The following MYO9B variants were observed in gnomAD, a reference collection of about 807,000 sequenced individuals.
The protein encoded by MYO9B is unconventional myosin-IXb.
Under a neutral mutation model 229.5 loss-of-function variants are expected in MYO9B, and 71 were observed. The ratio of observed to expected loss-of-function variants is 0.31; its 90% CI spans 0.26 to 0.38. MYO9B has a LOEUF of 0.38. Among genes scored for constraint, MYO9B ranks in the 10% least tolerant of loss-of-function variants. The pLI is 1.00. For missense variants in MYO9B, 2,255 were observed against 2,920.5 expected (o/e 0.77, Z 5.25); for synonymous variants, 1,185 against 1,235.8 (o/e 0.96, Z 0.86).
At position 17,172,488 on chromosome 19, in the gene MYO9B, G is replaced by A; in HGVS notation, c.1935+11G>A. 6.2e-7 allele frequency: 1 copy of A among 1,612,776 alleles called. No homozygotes were observed. ...AAATATCAGATCAAGGTAGGTGTCT[G>A]CCCATCACCACTGGTGGAAGCCTGA... On this transcript the variant is annotated intron_variant, in intron 12 of 39. Coordinates refer to ENST00000682292, the MANE Select transcript of MYO9B (RefSeq NM_004145.4). The surrounding 1 kb of genome is among the most constrained non-coding windows in gnomAD (Gnocchi z 8.2).
Position 17,202,144 on chromosome 19 carries a change from C to T in MYO9B, c.4677C>T (p.His1559=), listed in dbSNP as rs374282860. The T allele has an allele frequency of 5.0e-6, 8 of 1,613,754 alleles. No individual in the cohort carries two copies. The highest frequency in any genetic ancestry group is 1.7e-4 in the Middle Eastern group (1 of 6,058). ...TMYSVPNGKI[H]VGYKDLMENY... is the part of the protein sequence containing the mutation. ...CATTCCTACAGAACGGGAAGATCCA[C>T]GTGGGCTACAAGGATCTGATGGAGA... is the stretch of plus-strand genomic sequence containing the variant. Residue 1559 remains histidine, a synonymous_variant, in exon 28 of 40, where the codon CAC becomes CAT. Coordinates refer to ENST00000682292, the MANE Select transcript of MYO9B (RefSeq NM_004145.4).
intron 15 of MYO9B, 61 bp downstream of exon 15, chr19:17,181,101 AC>A: frequency 8.1e-7 from 1 of 1,229,464 alleles, no homozygotes. Flanking sequence ...TACTCCTGCG[AC>A]CCCGGCGGGG....
In MYO9B at chr19:17,134,155, A is replaced by C. The variant is rs981076504; in HGVS notation, c.841-11242A>C. ...GGTAATGGTTAGGGTTGGGCTTCTA[A>C]AATACCCATCACTCAAATAGTGAAC... On this transcript the variant is annotated intron_variant, in intron 2 of 39. Transcript: ENST00000682292. Among the ~76,000 whole-genome samples the C allele has an allele frequency of 2.6e-5, 4 of 152,042 alleles. No individual in the cohort carries two copies. The East Asian group carries it at 7.7e-4, about 29-fold the overall frequency.
chr19:17,125,829 C>G (rs971422369), intron 2 of MYO9B, among the ~76,000 whole-genome samples: 1 of 152,216 alleles, frequency 6.6e-6, no homozygotes, highest in Non-Finnish European at 1.5e-5. Flanking sequence ...CAGAACCCGG[C>G]AGCAGCTAGG....
intron 2 of MYO9B, among the ~76,000 whole-genome samples, chr19:17,104,731 T>TAAAAAAA (rs775092152): frequency 6.0e-5 from 6 of 99,886 alleles, no homozygotes; most frequent in East Asian, 2.7e-4. Context: ...CAGCTCCGCT[T>TAAAAAAA]AAAAAAAAAA....
At chr19:17,102,806 C>T (rs1244245877) in intron 2 of MYO9B, among the ~76,000 whole-genome samples, 4 of 151,582 alleles carry the variant, frequency 2.6e-5, no homozygotes, top group African/African-American at 9.7e-5. Flanking sequence ...GCTCAGGAGG[C>T]TGAGGCAGGA....
At chr19:17,093,816 C>T (rs1453958140) in intron 1 of MYO9B, among the ~76,000 whole-genome samples, 4 of 152,066 alleles carry the variant, frequency 2.6e-5, no homozygotes, top group Non-Finnish European at 4.4e-5. Flanking sequence ...CCTCAGCCTC[C>T]CAAGTAGCTG....
chr19:17,090,116 T>TC lies in MYO9B; in HGVS notation c.-58-11542dup, dbSNP rs34791272. On this transcript the variant is annotated intron_variant, in intron 1 of 39. Transcript: ENST00000682292. ...GTTATAGCATGAATCGGTGCTTCCTTCCTTTTTTTTTTTTTTTTTTTTTTT... is the reference window on the plus strand; with the variant it reads ...GTTATAGCATGAATCGGTGCTTCCTTCCCTTTTTTTTTTTTTTTTTTTTTTT... Among the ~76,000 whole-genome samples, 17 of 139,134 alleles carry TC rather than the reference T, an allele frequency of 1.2e-4. 1 individual carries two copies. Among genetic ancestry groups the TC allele is most frequent in the Non-Finnish European group, 1.1e-4 (7 of 64,994 alleles). 91.3% of individuals were successfully genotyped at this position (139,134 alleles called of 152,430 possible). A position where few individuals can be genotyped will look rare whatever the true frequency, so the allele number is the denominator to read the frequency against.
chr19:17,186,164 G>T (rs1402904544), intron 18 of MYO9B, among the ~76,000 whole-genome samples, 163 bp downstream of exon 18: 1 of 152,140 alleles, frequency 6.6e-6, no homozygotes, highest in Non-Finnish European at 1.5e-5. Context: ...GATGGTCCAA[G>T]TGGCCATTTA....
rs184063313 is a variant in MYO9B at position 17,170,938 on chromosome 19, C to G, written c.1794-1398C>G. 6.0e-3 allele frequency among the ~76,000 whole-genome samples: 909 copies of G among 152,086 alleles called. 6 individuals carry two copies. The highest frequency in any genetic ancestry group is 0.02 in the African/African-American group (828 of 41,500). Reference sequence around the variant, plus strand: ...GGAAGCCCGTGAGGCAAGGCCTGGCCCAGCAGGCTCGAGTCTCTTTAAAAT... The same window carrying G: ...GGAAGCCCGTGAGGCAAGGCCTGGCGCAGCAGGCTCGAGTCTCTTTAAAAT... On this transcript the variant is annotated intron_variant, in intron 11 of 39. Transcript: ENST00000682292.
chr19:17,154,449 G>A, intron 6 of MYO9B, 34 bp downstream of exon 6: 1 of 1,550,718 alleles, frequency 6.4e-7, no homozygotes, highest in Non-Finnish European at 8.8e-7. Flanking sequence ...CTGTCCCCCA[G>A]AGCCTACAGG....
At chr19:17,189,189 G>C (rs1180023191) in intron 19 of MYO9B, among the ~76,000 whole-genome samples, 2 of 151,590 alleles carry the variant, frequency 1.3e-5, no homozygotes, top group African/African-American at 2.4e-5. Context: ...AGCCAGACAA[G>C]GTGGTATGCA....
At chr19:17,113,799 G>A (rs1219107480) in intron 2 of MYO9B, among the ~76,000 whole-genome samples, 1 of 152,138 alleles carries the variant, frequency 6.6e-6, no homozygotes, top group Non-Finnish European at 1.5e-5. Flanking sequence ...GATAGGAGCT[G>A]GGGCCCGAAT....
chr19:17,088,883 G>A (rs1317598448), intron 1 of MYO9B, among the ~76,000 whole-genome samples: 1 of 151,946 alleles, frequency 6.6e-6, no homozygotes, highest in Admixed American at 6.6e-5. Flanking sequence ...AGAATTGGGG[G>A]GTCTTTCTTT....
Position 17,183,865 on chromosome 19 carries a change from A to T in MYO9B, c.2370A>T (p.Pro790=). ...GTATCAAACAAAAGCAGATCATTCC[A>T]AAGGTAAAAAAAAAAACACACCCCG... ...SKGIKQKQII[P]KNLLDSKSLK... The change falls in exon 16 of 40, where the codon CCA becomes CCT. Residue 790 remains proline, a synonymous_variant. Transcript: ENST00000682292. 1 of 1,574,204 alleles carries T rather than the reference A, an allele frequency of 6.4e-7. No individual in the cohort carries two copies. The highest frequency in any genetic ancestry group is 1.2e-5 in the South Asian group (1 of 85,234).
intron 3 of MYO9B, among the ~76,000 whole-genome samples, chr19:17,146,425 G>A (rs2072412272): frequency 6.6e-6 from 1 of 151,996 alleles, no homozygotes; most frequent in African/African-American, 2.4e-5. Flanking sequence ...ATGGATTTAT[G>A]GGTGAGTGGA....
chr19:17,080,815 G>A lies in MYO9B; in HGVS notation c.-59+4941G>A, dbSNP rs886300882. On this transcript the variant is annotated intron_variant, in intron 1 of 39. Coordinates refer to ENST00000682292, the MANE Select transcript of MYO9B (RefSeq NM_004145.4). ...GCCTGGGAGTTTGAGGCTACAGTGA[G>A]CTATGATCATGGCACTGCATTCCAG... Among the ~76,000 whole-genome samples the A allele has an allele frequency of 3.3e-5, 5 of 152,012 alleles. No homozygotes were observed. In the South Asian group the frequency reaches 1.0e-3, roughly 32 times the overall value.
intron 1 of MYO9B, among the ~76,000 whole-genome samples, chr19:17,086,378 G>A (rs982383583): frequency 2.6e-5 from 4 of 152,312 alleles, no homozygotes; most frequent in South Asian, 2.1e-4. Context: ...CGTCCAGCTC[G>A]TTTGCACTGT....
chr19:17,150,571 CTCACATGT>C (rs2072466421), intron 3 of MYO9B, among the ~76,000 whole-genome samples: 4 of 142,994 alleles, frequency 2.8e-5, no homozygotes, highest in Admixed American at 7.0e-5. Flanking sequence ...CCCCAGTGAG[CTCACATGT>C]CTGGTGATGG....
Sources: allele counts gnomAD v4.1 joint callset (sites outside exome capture counted in the v4.1 genomes callset), GRCh38; gene constraint gnomAD v4.1.1; non-coding constraint Gnocchi (gnomAD v3.1); transcripts MANE v1.5; gene names NCBI Gene and HGNC (gene_info 2026-07-23, HGNC 2026-07-21).